CD209: variants seen among roughly 807,000 people sequenced by gnomAD.
CD209 encodes CD209 antigen.
CD209 carries 31 observed loss-of-function variants against 44.7 expected under a neutral mutation model. The ratio of observed to expected loss-of-function variants is 0.69; its 90% confidence interval spans 0.52 to 0.94. The LOEUF (loss-of-function observed/expected upper bound fraction) is 0.94. Ranked by LOEUF, CD209 falls within the 40% of genes least tolerant of loss-of-function variation. The pLI is 0.00. For synonymous variants in CD209, 173 were observed against 181.3 expected (o/e 0.95, Z 0.37); for missense variants, 407 against 452.4 (o/e 0.90, Z 0.91).
chr19:7,747,420 A>G lies in CD209; in HGVS notation c.46+46T>C, dbSNP rs770609786. ...GGGCAGGCTGAGGCCATGGCTGGCC[A>G]TCCCTTCCCCCTTCCCAGAATCCCA... On this transcript the variant is annotated intron_variant, in intron 1 of 6. Coordinates refer to ENST00000315599, the MANE Select transcript of CD209 (RefSeq NM_021155.4). 92 of 1,614,084 alleles carry G rather than the reference A, an allele frequency of 5.7e-5. No homozygotes were observed. The South Asian group carries it at 6.7e-4, about 12-fold the overall frequency.
intron 6 of CD209, among the ~76,000 whole-genome samples, chr19:7,743,774 T>C (rs1484690790): frequency 6.6e-6 from 1 of 152,144 alleles, no homozygotes; most frequent in East Asian, 1.9e-4. Flanking sequence ...TGATGTGTCC[T>C]CTCTCTAGGG....
chr19:7,741,097 G>A lies in CD209; in HGVS notation c.*1942C>T. The stretch of plus-strand genomic sequence containing the variant: ...GTGCAGGAGGGATGACTATGACTCC[G>A]AAGCAAGCCTGGAGTACAGCGAGGA... On this transcript the variant is annotated 3_prime_UTR_variant, in exon 7 of 7. Transcript: ENST00000315599. The A allele has an allele frequency of 2.0e-6, 2 of 1,008,244 alleles. No homozygotes were observed. Among genetic ancestry groups the A allele is most frequent in the Non-Finnish European group, 3.1e-6 (2 of 655,288 alleles). 62.5% of individuals were successfully genotyped at this position (1,008,244 alleles called of 1,614,324 possible).
Position 7,742,647 on chromosome 19 carries a change from G to T in CD209, c.*392C>A, listed in dbSNP as rs1057485042. 6 of 206,458 alleles carry T rather than the reference G, an allele frequency of 2.9e-5. No homozygotes were observed. Among genetic ancestry groups the T allele is most frequent in the Non-Finnish European group, 5.0e-5 (5 of 100,576 alleles). 12.8% of individuals were successfully genotyped at this position (206,458 alleles called of 1,614,324 possible). On this transcript the variant is annotated 3_prime_UTR_variant, in exon 7 of 7. Transcript: ENST00000315599. ...CTTCCAGCCTGCAAAATGAGCTCTT[G>T]CAACCAGTAAGTCCCCGATCAAAGG...
Position 7,742,982 on chromosome 19 carries a change from T to C in CD209, c.*57A>G. 7.4e-7 allele frequency: 1 copy of C among 1,346,940 alleles called. No individual in the cohort carries two copies. The highest frequency in any genetic ancestry group is 1.1e-6 in the Non-Finnish European group (1 of 941,500). The allele number at this position is 1,346,940 out of a possible 1,614,324, so 83.4% of individuals were successfully genotyped here. On this transcript the variant is annotated 3_prime_UTR_variant, in exon 7 of 7. Transcript: ENST00000315599. The stretch of plus-strand genomic sequence containing the variant: ...TGACAAAGAACAGTCCCAGAGATTT[T>C]GTGAAGGTCGAAGGATGGAGAGAAG...
chr19:7,743,068 G>C lies in CD209; in HGVS notation c.1186C>G (p.Pro396Ala). ...RDEEQFLSPA[P>A]ATPNPPPA ...GCAGGAGGGGGGTTTGGGGTGGCAG[G>C]GGCTGGAGAAAGAAACTGTTCTTCA... is the stretch of plus-strand genomic sequence containing the variant. The change falls in exon 7 of 7, where the codon CCT becomes GCT. Residue 396 changes from proline (P) to alanine (A), a missense_variant. By Grantham distance (27) the Pro-to-Ala change is conservative. This residue lies in a region of CD209 where 200 missense variants were observed against 202.2 expected (regional missense o/e 0.99). Coordinates refer to ENST00000315599, the MANE Select transcript of CD209 (RefSeq NM_021155.4). 1 of 1,613,854 alleles carries C rather than the reference G, an allele frequency of 6.2e-7. No homozygotes were observed. Among genetic ancestry groups the C allele is most frequent in the East Asian group, 2.2e-5 (1 of 44,882 alleles).
rs374114895 is a variant in CD209 at position 7,743,049 on chromosome 19, G to T, written c.1205C>A (p.Pro402His). The T allele has an allele frequency of 1.9e-6, 3 of 1,611,148 alleles. No homozygotes were observed. The highest frequency in any genetic ancestry group is 1.1e-5 in the South Asian group (1 of 91,032). ...GGGGGTGAAGTTCTGCTACGCAGGA[G>T]GGGGGTTTGGGGTGGCAGGGGCTGG... ...LSPAPATPNP[P>H]PA is the part of the protein sequence containing the mutation. The change falls in exon 7 of 7, where the codon CCT (proline) becomes CAT (histidine). Residue 402 changes from proline to histidine, a missense_variant. By Grantham distance (77) the Pro-to-His change is moderately conservative. This residue lies in a region of CD209 where 200 missense variants were observed against 202.2 expected (regional missense o/e 0.99). Transcript: ENST00000315599.
At chr19:7,743,538 C>G (rs144139292) in intron 6 of CD209, among the ~76,000 whole-genome samples, 1 of 152,292 alleles carries the variant, frequency 6.6e-6, no homozygotes, top group African/African-American at 2.4e-5. Context: ...CTCCAAGCCA[C>G]TATCCTGTAC....
intron 3 of CD209, 125 bp downstream of exon 3, chr19:7,746,335 C>T: frequency 8.6e-7 from 1 of 1,158,686 alleles, no homozygotes; most frequent in African/African-American, 1.5e-5. Context: ...GAGGCCCCTA[C>T]AGACCCCCAG....
In CD209 at chr19:7,742,724, A is replaced by G. The variant is rs4804802; in HGVS notation, c.*315T>C. On this transcript the variant is annotated 3_prime_UTR_variant, in exon 7 of 7. Transcript: ENST00000315599. ...GAACAGATGGTAGGTTTGCATGTAT[A>G]AGATAACGCCCCAGGGGACATAGCA... is the stretch of plus-strand genomic sequence containing the variant. The G allele has an allele frequency of 0.85, 302,639 of 356,306 alleles. 129,830 individuals carry two copies. Among genetic ancestry groups the G allele is most frequent in the Non-Finnish European group, 0.9 (172,630 of 192,396 alleles). The allele number at this position is 356,306 out of a possible 1,614,324, so 22.1% of individuals were successfully genotyped here.
At position 7,745,200 on chromosome 19, in the gene CD209, C is replaced by T. The variant is rs11465382; in HGVS notation, c.749-108G>A. 9,483 of 1,429,440 alleles carry T rather than the reference C, an allele frequency of 6.6e-3. 491 individuals carry two copies. The African/African-American group carries it at 0.12, about 17-fold the overall frequency. 88.5% of individuals were successfully genotyped at this position (1,429,440 alleles called of 1,614,324 possible). A position where few individuals can be genotyped will look rare whatever the true frequency, so the allele number is the denominator to read the frequency against. ...GTCAGAGTCCTTCCTTGACTGTCCA[C>T]GCCGGGTAGACCATTCCCCTCCCCA... On this transcript the variant is annotated intron_variant, in intron 4 of 6. Transcript: ENST00000315599.
At position 7,746,521 on chromosome 19, in the gene CD209, G is replaced by T; in HGVS notation, c.117C>A (p.Gly39=). 6.2e-7 allele frequency: 1 copy of T among 1,613,758 alleles called. No homozygotes were observed. Among genetic ancestry groups the T allele is most frequent in the Non-Finnish European group, 8.5e-7 (1 of 1,179,790 alleles). The part of the protein sequence containing the change: ...RGYKSLAGCL[G]HGPLVLQLLS... ...GGAGTTGCAGCACCAGGGGACCATG[G>T]CCAAGACACCCTGAGAGAGGATACA... is the stretch of plus-strand genomic sequence containing the variant. The change falls in exon 3 of 7, where the codon GGC becomes GGA. Residue 39 remains glycine (G), a synonymous_variant. Coordinates refer to ENST00000315599, the MANE Select transcript of CD209 (RefSeq NM_021155.4).
chr19:7,744,278 TC>T (rs2033725513), intron 5 of CD209, 59 bp from the exon 6 acceptor site: 6 of 1,276,654 alleles, frequency 4.7e-6, no homozygotes, highest in Non-Finnish European at 4.6e-6. Context: ...AGGCTCTGTC[TC>T]CCCATCTCTT....
Position 7,742,564 on chromosome 19 carries a change from G to T in CD209, c.*475C>A. 6.0e-6 allele frequency: 1 copy of T among 165,910 alleles called. No individual in the cohort carries two copies. Among genetic ancestry groups the T allele is most frequent in the Non-Finnish European group, 1.3e-5 (1 of 75,364 alleles). The allele number at this position is 165,910 out of a possible 1,614,324, so 10.3% of individuals were successfully genotyped here. On this transcript the variant is annotated 3_prime_UTR_variant, in exon 7 of 7. Coordinates refer to ENST00000315599, the MANE Select transcript of CD209 (RefSeq NM_021155.4). ...ATGTGGGGGTGGAAGGGGTTGCGTG[G>T]AGCCTCCATGCCCTCTCTGGGTGCC...
intron 6 of CD209, among the ~76,000 whole-genome samples, chr19:7,743,897 C>T (rs150527315): frequency 0.032 from 4,854 of 152,266 alleles, 239 homozygotes; most frequent in African/African-American, 0.11. Flanking sequence ...TCCCCGGTGG[C>T]AGGCTCCTCC....
chr19:7,745,765 C>T lies in CD209; in HGVS notation c.501G>A (p.Gln167=), dbSNP rs775189015. The T allele has an allele frequency of 5.0e-6, 8 of 1,606,342 alleles. No individual in the cohort carries two copies. The Admixed American group carries it at 1.3e-4, about 27-fold the overall frequency. ...GCCGAGTCAGCTCCTGGTAGATCTC[C>T]TGCATCTTAGATTTCTCTGGAAGCT... ...VGELPEKSKM[Q]EIYQELTRLK... Residue 167 remains glutamine (Q), a synonymous_variant, in exon 4 of 7, where the codon CAG becomes CAA. Transcript: ENST00000315599.
At position 7,740,279 on chromosome 19, in the gene CD209, T is replaced by G; in HGVS notation, c.*2760A>C. On this transcript the variant is annotated 3_prime_UTR_variant, in exon 7 of 7. Transcript: ENST00000315599. ...TAGGTTCCACGTGGATTTGCACGCT[T>G]CGTTCATCTGGACATGCCCAGGGTA... 1 of 445,662 alleles carries G rather than the reference T, an allele frequency of 2.2e-6. No individual in the cohort carries two copies. The highest frequency in any genetic ancestry group is 4.9e-5 in the East Asian group (1 of 20,468). 27.6% of individuals were successfully genotyped at this position (445,662 alleles called of 1,614,324 possible).
At chr19:7,744,080 G>A (rs1257504024) in intron 6 of CD209, 27 bp downstream of exon 6, 1 of 1,548,188 alleles carries the variant, frequency 6.5e-7, no homozygotes, top group South Asian at 1.1e-5. Flanking sequence ...CAGCCCCAGT[G>A]GATAGGGTGC....
At position 7,744,928 on chromosome 19, in the gene CD209, C is replaced by T. The variant is rs1402207989; in HGVS notation, c.900+13G>A. The stretch of plus-strand genomic sequence containing the variant: ...ATGCCCTAGGCCAGGACGGGGACCC[C>T]CACCAGGTGTACCTGCTCCTCAGCA... On this transcript the variant is annotated intron_variant, in intron 5 of 6. Coordinates refer to ENST00000315599, the MANE Select transcript of CD209 (RefSeq NM_021155.4). The T allele has an allele frequency of 5.0e-6, 8 of 1,613,996 alleles. No homozygotes were observed. Among genetic ancestry groups the T allele is most frequent in the South Asian group, 1.1e-5 (1 of 91,080 alleles).
At chr19:7,743,338 G>T in intron 6 of CD209, 98 bp from the exon 7 acceptor site, 1 of 1,048,238 alleles carries the variant, frequency 9.5e-7, no homozygotes, top group Non-Finnish European at 1.5e-6. Context: ...TCTGCCCTGC[G>T]TGTGTATGCT....
Sources: gnomAD v4.1 joint callset for allele counts (sites outside exome capture counted in the v4.1 genomes callset) on GRCh38, gnomAD v4.1.1 for gene constraint, gnomAD v4.1.1 regional missense constraint, MANE v1.5 for transcripts, NCBI Gene and HGNC (gene_info 2026-07-23, HGNC 2026-07-21) for gene names.